CSMD1: variants seen among roughly 807,000 people sequenced by gnomAD.
CSMD1 encodes CUB and Sushi multiple domains 1, also known as CUB and sushi domain-containing protein 1.
CSMD1 carries 213 observed loss-of-function variants against 417.5 expected under a neutral mutation model. The observed-to-expected ratio is 0.51, with a 90% CI of 0.46 to 0.57. The LOEUF is 0.57. Among genes scored for constraint, CSMD1 ranks in the 20% least tolerant of loss-of-function variants. CSMD1 has a pLI of 0.00. For missense variants in CSMD1, 6,923 were observed against 4,529.7 expected, an observed-to-expected ratio of 1.53 and a Z score of -15.17; for synonymous variants, 2,862 against 1,736.8, an observed-to-expected ratio of 1.65 and a Z score of -16.11.
chr8:4,456,044 A>G, intron 2 of CSMD1, among the ~76,000 whole-genome samples: 1 of 123,890 alleles, frequency 8.1e-6, no homozygotes, highest in South Asian at 2.8e-4. Flanking sequence ...CAAGTTCTTC[A>G]ATACTATCAT....
intron 1 of CSMD1, among the ~76,000 whole-genome samples, chr8:4,783,673 C>T (rs1466423277): frequency 6.6e-6 from 1 of 152,160 alleles, no homozygotes; most frequent in African/African-American, 2.4e-5. Flanking sequence ...CTGAAGCCAG[C>T]CCGAAGCCTG....
chr8:4,759,147 T>C (rs1390244567), intron 1 of CSMD1, among the ~76,000 whole-genome samples: 1 of 152,206 alleles, frequency 6.6e-6, no homozygotes, highest in Non-Finnish European at 1.5e-5. Context: ...GACACATTTG[T>C]AAAGGCCTCA....
chr8:4,941,788 A>C (rs1563824812), intron 1 of CSMD1, among the ~76,000 whole-genome samples: 1 of 152,020 alleles, frequency 6.6e-6, no homozygotes, highest in Admixed American at 6.6e-5. Flanking sequence ...TTGTAGGGAC[A>C]GGGTCTCCCC....
chr8:4,956,253 T>C (rs1809102742), intron 1 of CSMD1, among the ~76,000 whole-genome samples: 2 of 151,954 alleles, frequency 1.3e-5, no homozygotes, highest in South Asian at 4.1e-4. Context: ...CGCTATTTTT[T>C]TTTAATTTAA....
chr8:3,670,578 G>GATATATATGGGGATATATATATCGC (rs1563254940), intron 7 of CSMD1, among the ~76,000 whole-genome samples: 3 of 109,514 alleles, frequency 2.7e-5, no homozygotes, highest in Non-Finnish European at 6.2e-5. Flanking sequence ...ATATATATGG[G>GATATATATGGGGATATATATATCGC]ATATATATGG....
chr8:3,736,688 T>C (rs528989028), intron 6 of CSMD1, among the ~76,000 whole-genome samples: 2 of 152,182 alleles, frequency 1.3e-5, no homozygotes, highest in Non-Finnish European at 2.9e-5. Context: ...TTCCGCAGAA[T>C]GGAGCTGGGG....
chr8:2,975,652 GGA>G (rs1272317239), intron 55 of CSMD1, among the ~76,000 whole-genome samples: 2 of 152,052 alleles, frequency 1.3e-5, no homozygotes, highest in African/African-American at 4.8e-5. Flanking sequence ...GTGAAATGCT[GGA>G]TAAATGACCA....
intron 2 of CSMD1, among the ~76,000 whole-genome samples, chr8:4,492,617 C>T (rs1801762539): frequency 6.6e-6 from 1 of 152,096 alleles, no homozygotes; most frequent in Non-Finnish European, 1.5e-5. Flanking sequence ...TAATTATGTC[C>T]ATGAAGCACT....
At chr8:3,930,848 T>C (rs966695708) in intron 5 of CSMD1, among the ~76,000 whole-genome samples, 14 of 150,632 alleles carry the variant, frequency 9.3e-5, no homozygotes, top group African/African-American at 3.4e-4. Context: ...GTAATAGATA[T>C]CTTAATAGTT....
At chr8:3,268,692 C>T (rs1801617187) in intron 26 of CSMD1, among the ~76,000 whole-genome samples, 1 of 152,096 alleles carries the variant, frequency 6.6e-6, no homozygotes, top group Non-Finnish European at 1.5e-5. Flanking sequence ...TTGTGATAAT[C>T]CAGTGAATTA....
intron 12 of CSMD1, among the ~76,000 whole-genome samples, chr8:3,417,030 T>A (rs1233875536): frequency 6.6e-6 from 1 of 152,236 alleles, no homozygotes; most frequent in Non-Finnish European, 1.5e-5. Flanking sequence ...TTAGTGAGAA[T>A]GATTTACCAA....
At chr8:3,777,789 C>A (rs111463501) in intron 5 of CSMD1, among the ~76,000 whole-genome samples, 2 of 125,636 alleles carry the variant, frequency 1.6e-5, no homozygotes, top group African/African-American at 3.3e-5. Context: ...AGACCCACAG[C>A]CTCCTTGAAG....
rs142523263 is a variant in CSMD1, at chr8:4,163,945, C to G, written c.416-131846G>C. 8.6e-3 allele frequency among the ~76,000 whole-genome samples: 1,308 copies of G among 152,146 alleles called. 23 individuals are homozygous for G. Among genetic ancestry groups the G allele is most frequent in the African/African-American group, 0.03 (1,250 of 41,510 alleles). ...CTTTCCATCTGTTATATAAGTTTTC[C>G]AGGCTTCTCAAATTAATTTTAGGGT... On this transcript the variant is annotated intron_variant, in intron 3 of 69. Transcript: ENST00000635120.
chr8:3,294,855 C>T (rs942950540), intron 25 of CSMD1, among the ~76,000 whole-genome samples: 20 of 152,232 alleles, frequency 1.3e-4, no homozygotes, highest in Admixed American at 9.2e-4. Context: ...CGACACTCCC[C>T]AGTGAGATGT....
chr8:4,712,642 C>A (rs1808382537), intron 1 of CSMD1, among the ~76,000 whole-genome samples: 1 of 152,172 alleles, frequency 6.6e-6, no homozygotes, highest in Non-Finnish European at 1.5e-5. Context: ...TTTGCAGCAT[C>A]TTTTTCCTCT....
intron 3 of CSMD1, among the ~76,000 whole-genome samples, chr8:4,129,174 T>C (rs1802944835): frequency 6.6e-6 from 1 of 151,506 alleles, no homozygotes; most frequent in African/African-American, 2.4e-5. Flanking sequence ...CCCAACCTCT[T>C]CTTCCACTTT....
At chr8:4,746,769 G>T (rs997132279) in intron 1 of CSMD1, among the ~76,000 whole-genome samples, 2 of 152,128 alleles carry the variant, frequency 1.3e-5, no homozygotes, top group African/African-American at 4.8e-5. Flanking sequence ...CAGCAGCGAG[G>T]TCATTCTGAA....
At position 3,284,360 on chromosome 8, in the gene CSMD1, C is replaced by T. The variant is rs1410482728; in HGVS notation, c.3951-14G>A. The T allele has an allele frequency of 1.3e-6, 2 of 1,597,342 alleles. No homozygotes were observed. On this transcript the variant is annotated splice_polypyrimidine_tract_variant and intron_variant, in intron 25 of 69. Coordinates refer to ENST00000635120, the MANE Select transcript of CSMD1 (RefSeq NM_033225.6). The stretch of plus-strand genomic sequence containing the variant: ...ATGAAATGGAGGCTGCAAGAGAGAA[C>T]ACAGTAGCGCTACTTGCCGTGCATC...
At chr8:3,499,089 G>C (rs915556782) in intron 10 of CSMD1, among the ~76,000 whole-genome samples, 1 of 152,132 alleles carries the variant, frequency 6.6e-6, no homozygotes, top group East Asian at 1.9e-4. Flanking sequence ...TCCTACATTA[G>C]TATCTATACA....
Sources: gnomAD v4.1 joint callset for allele counts (sites outside exome capture counted in the v4.1 genomes callset) on GRCh38, gnomAD v4.1.1 for gene constraint, MANE v1.5 for transcripts, NCBI Gene and HGNC (gene_info 2026-07-23, HGNC 2026-07-21) for gene names.